The following CRYBG1 variants were observed in gnomAD, a reference collection of about 807,000 sequenced individuals.
CRYBG1 encodes beta/gamma crystallin domain-containing protein 1.
Under a neutral mutation model 189.2 loss-of-function variants are expected in CRYBG1, and 139 were observed. That is an observed-to-expected ratio of 0.73 (90% CI 0.64 to 0.85). The LOEUF is 0.85. Among genes scored for constraint, CRYBG1 ranks in the 40% least tolerant of loss-of-function variants. CRYBG1 has a pLI of 0.00. For missense variants in CRYBG1, 2,611 were observed against 2,675.8 expected (o/e 0.98, Z 0.53); for synonymous variants, 1,023 against 1,017.1 (o/e 1.01, Z -0.11).
chr6:106,521,310 G>A lies in CRYBG1; in HGVS notation c.4102G>A (p.Glu1368Lys). The A allele has an allele frequency of 1.2e-6, 2 of 1,614,148 alleles. No individual in the cohort carries two copies. The highest frequency in any genetic ancestry group is 1.7e-6 in the Non-Finnish European group (2 of 1,180,034). The change falls in exon 4 of 22, where the codon GAA becomes AAA. Residue 1368 changes from glutamate (E) to lysine (K), a missense_variant. By Grantham distance (56) the Glu-to-Lys change is moderately conservative (BLOSUM62 1). Coordinates refer to ENST00000633556, the MANE Select transcript of CRYBG1 (RefSeq NM_001371242.2). ...ELSKLKNDDM[E>K]KANHIESVIK... ...GTCAAAACTGAAGAATGATGATATG[G>A]AAAAGGCTAATCATATTGAAAGTGT...
chr6:106,564,051 T>C, intron 21 of CRYBG1, 125 bp downstream of exon 21: 1 of 1,024,394 alleles, frequency 9.8e-7, no homozygotes, highest in South Asian at 1.6e-5. Flanking sequence ...GAGCCCCTAC[T>C]GTGTGCCAGC....
chr6:106,560,662 C>A, intron 18 of CRYBG1, 141 bp from the exon 19 acceptor site: 1 of 1,054,982 alleles, frequency 9.5e-7, no homozygotes, highest in Non-Finnish European at 1.3e-6. Flanking sequence ...TTTAAGTGTT[C>A]TAGAAAAGAT....
chr6:106,462,705 G>A (rs1265471341), intron 2 of CRYBG1, among the ~76,000 whole-genome samples: 1 of 152,222 alleles, frequency 6.6e-6, no homozygotes, highest in Non-Finnish European at 1.5e-5. Context: ...TCACAAAGAT[G>A]CTTTGAGAAG....
chr6:106,407,585 C>A (rs1272844497), intron 1 of CRYBG1, among the ~76,000 whole-genome samples: 2 of 152,166 alleles, frequency 1.3e-5, no homozygotes, highest in African/African-American at 4.8e-5. Context: ...TTCTTCTCAG[C>A]ACCACATCAC....
intron 2 of CRYBG1, among the ~76,000 whole-genome samples, chr6:106,507,280 C>T (rs9400021): frequency 0.17 from 25,152 of 152,196 alleles, 2,234 homozygotes; most frequent in East Asian, 0.28. Context: ...TGGACTGCTC[C>T]GTCCCAGTTG....
intron 1 of CRYBG1, among the ~76,000 whole-genome samples, chr6:106,400,172 G>T (rs946032646): frequency 1.0e-4 from 15 of 147,300 alleles, no homozygotes; most frequent in African/African-American, 3.7e-4. Flanking sequence ...GAGAGAAAAG[G>T]TCTCCCCATG....
rs759828725 is a variant in CRYBG1, at chr6:106,520,859, G to A, written c.3651G>A (p.Pro1217=). ...GGAACAGTGAGCCTCTGGTGATGCC[G>A]GAAATCAATGACAAAGAGAACAGGG... ...TNGNSEPLVM[P]EINDKENRDV... The change falls in exon 4 of 22, where the codon CCG becomes CCA. Residue 1217 remains proline (P), a synonymous_variant. Transcript: ENST00000633556. The A allele has an allele frequency of 6.2e-6, 10 of 1,614,036 alleles. No homozygotes were observed. Among genetic ancestry groups the A allele is most frequent in the Admixed American group, 1.7e-5 (1 of 59,998 alleles).
intron 2 of CRYBG1, among the ~76,000 whole-genome samples, chr6:106,504,846 G>T (rs990808284): frequency 2.0e-5 from 3 of 151,754 alleles, no homozygotes; most frequent in Non-Finnish European, 4.4e-5. Context: ...TCTGCCTGGT[G>T]TTTCTGATAC....
At chr6:106,396,132 AG>A (rs1489829817) in intron 1 of CRYBG1, among the ~76,000 whole-genome samples, 1 of 152,236 alleles carries the variant, frequency 6.6e-6, no homozygotes, top group East Asian at 1.9e-4. Context: ...CCTAAGTGCC[AG>A]CTTGTATACT....
Position 106,525,287 on chromosome 6 carries a change from C to A in CRYBG1, c.4313C>A (p.Pro1438His). The A allele has an allele frequency of 6.2e-7, 1 of 1,614,038 alleles. No homozygotes were observed. Among genetic ancestry groups the A allele is most frequent in the South Asian group, 1.1e-5 (1 of 91,088 alleles). Residue 1438 changes from proline (P) to histidine (H), a missense_variant, in exon 6 of 22, where the codon CCC (proline) becomes CAC (histidine). Pro to His is a moderately conservative substitution (Grantham distance 77, BLOSUM62 -2). Coordinates refer to ENST00000633556, the MANE Select transcript of CRYBG1 (RefSeq NM_001371242.2). ...RPGKVVIYSE[P>H]DVSEKCIEVF... Reference sequence around the variant, plus strand: ...TTGCAGGTAGTGATATATAGTGAACCCGACGTCTCTGAGAAGTGCATTGAA... The same window carrying A: ...TTGCAGGTAGTGATATATAGTGAACACGACGTCTCTGAGAAGTGCATTGAA...
At chr6:106,489,842 T>C (rs1213997632) in intron 2 of CRYBG1, among the ~76,000 whole-genome samples, 1 of 151,616 alleles carries the variant, frequency 6.6e-6, no homozygotes, top group East Asian at 1.9e-4. Context: ...TTGTGAATCA[T>C]TTTAGTTTGG....
rs2114522698 is a variant in CRYBG1 at position 106,511,640 on chromosome 6, C to A, written c.523C>A (p.Leu175Met). The change falls in exon 3 of 22, where the codon CTG (leucine) becomes ATG (methionine). Residue 175 changes from leucine (L) to methionine (M), a missense_variant. Around this residue, in one of 3 missense-constraint regions of CRYBG1, gnomAD observed 985 missense variants for 924.4 expected, o/e 1.07. Coordinates refer to ENST00000633556, the MANE Select transcript of CRYBG1 (RefSeq NM_001371242.2). ...SERSRSQSSQ[L>M]KQTDTSEEGS... is the part of the protein sequence containing the mutation. ...GAGGAGCAGATCTCAGAGCAGCCAACTGAAGCAAACGGACACAAGCGAGGA... is the reference window on the plus strand; with the variant it reads ...GAGGAGCAGATCTCAGAGCAGCCAAATGAAGCAAACGGACACAAGCGAGGA... 5.2e-6 allele frequency: 8 copies of A among 1,535,868 alleles called. No homozygotes were observed. The highest frequency in any genetic ancestry group is 7.0e-6 in the Non-Finnish European group (8 of 1,146,724).
chr6:106,512,526 C>A lies in CRYBG1; in HGVS notation c.1409C>A (p.Pro470Gln). The A allele has an allele frequency of 6.2e-7, 1 of 1,609,630 alleles. No individual in the cohort carries two copies. Among genetic ancestry groups the A allele is most frequent in the Non-Finnish European group, 8.5e-7 (1 of 1,178,552 alleles). The change falls in exon 3 of 22, where the codon CCG becomes CAG. Residue 470 changes from proline to glutamine, a missense_variant. Pro to Gln is a moderately conservative substitution (Grantham distance 76). This residue lies in a region of CRYBG1 where 985 missense variants were observed against 924.4 expected (regional missense o/e 1.07). Coordinates refer to ENST00000633556, the MANE Select transcript of CRYBG1 (RefSeq NM_001371242.2). ...TCGGCGGAAAAGAAAGTGAAATCTC[C>A]GCGGGCAGCCCTCGACGGGGGCGTT... Reference protein sequence around the residue: ...NASAEKKVKSPRAALDGGVAS... With the variant: ...NASAEKKVKSQRAALDGGVAS...
intron 2 of CRYBG1, among the ~76,000 whole-genome samples, chr6:106,459,301 A>G: frequency 6.6e-6 from 1 of 152,100 alleles, no homozygotes; most frequent in Non-Finnish European, 1.5e-5. Context: ...TCCTGTATTA[A>G]CTCAAATTAG....
chr6:106,529,689 G>A (rs1363810317), intron 7 of CRYBG1, among the ~76,000 whole-genome samples: 2 of 152,110 alleles, frequency 1.3e-5, no homozygotes, highest in Admixed American at 6.6e-5. Context: ...TTGCTTTTAC[G>A]ACTTAGATCA....
chr6:106,494,164 C>G (rs951534787), intron 2 of CRYBG1, among the ~76,000 whole-genome samples: 1 of 151,754 alleles, frequency 6.6e-6, no homozygotes, highest in African/African-American at 2.4e-5. Context: ...AGACGAGATA[C>G]CTAAAGTAGT....
intron 1 of CRYBG1, among the ~76,000 whole-genome samples, chr6:106,390,927 G>T (rs1770486464): frequency 6.6e-6 from 1 of 152,056 alleles, no homozygotes; most frequent in Non-Finnish European, 1.5e-5. Context: ...CATTTCTGTT[G>T]GGTATATACT....
In CRYBG1 at chr6:106,376,109, C is replaced by A. The variant is rs537823223; in HGVS notation, c.173+15028C>A. On this transcript the variant is annotated intron_variant, in intron 1 of 21. Transcript: ENST00000633556. ...GGACTGCTATAGTTATAATAATTCACAACCTCACTATTTATGGATAACACT... is the reference window on the plus strand; with the variant it reads ...GGACTGCTATAGTTATAATAATTCAAAACCTCACTATTTATGGATAACACT... Among the ~76,000 whole-genome samples, 15 of 152,314 alleles carry A rather than the reference C, an allele frequency of 9.8e-5. No homozygotes were observed. The South Asian group carries it at 2.9e-3, about 29-fold the overall frequency.
intron 1 of CRYBG1, among the ~76,000 whole-genome samples, chr6:106,428,414 C>T (rs1230750428): frequency 1.3e-5 from 2 of 151,922 alleles, no homozygotes; most frequent in East Asian, 3.9e-4. Context: ...CTTCTTTAGA[C>T]TTTCAGATCT....
Sources: allele counts gnomAD v4.1 joint callset (sites outside exome capture counted in the v4.1 genomes callset), GRCh38; gene constraint gnomAD v4.1.1; regional missense constraint gnomAD v4.1.1; transcripts MANE v1.5; gene names NCBI Gene and HGNC (gene_info 2026-07-23, HGNC 2026-07-21).